The following ELAVL4 variants were observed in gnomAD, a reference collection of about 807,000 sequenced individuals.
The protein encoded by ELAVL4 is ELAV like RNA binding protein 4.
Under a neutral mutation model 35.6 loss-of-function variants are expected in ELAVL4, and 1 was observed. The ratio of observed to expected loss-of-function variants is 0.03; its 90% CI spans 0.01 to 0.13. ELAVL4 has a LOEUF of 0.13. ELAVL4 is among the 10% of genes least tolerant of loss of function. The pLI is 1.00. For missense variants in ELAVL4, 267 were observed against 464.9 expected (o/e 0.57, Z 3.91); for synonymous variants, 156 against 171.0 (o/e 0.91, Z 0.69).
At chr1:50,068,488 T>C (rs1189808241) in intron 1 of ELAVL4, among the ~76,000 whole-genome samples, 1 of 152,176 alleles carries the variant, frequency 6.6e-6, no homozygotes, top group Non-Finnish European at 1.5e-5. Context: ...TCTGGCACAC[T>C]GTTGTTAAAG....
At chr1:50,073,639 C>T (rs953324681) in intron 1 of ELAVL4, among the ~76,000 whole-genome samples, 1 of 152,140 alleles carries the variant, frequency 6.6e-6, no homozygotes, top group African/African-American at 2.4e-5. Context: ...AGTGGATACA[C>T]ACACACATGC....
At chr1:50,067,695 G>T (rs898865860) in intron 1 of ELAVL4, among the ~76,000 whole-genome samples, 9 of 152,212 alleles carry the variant, frequency 5.9e-5, no homozygotes, top group Admixed American at 1.3e-4. Flanking sequence ...CAAGCTTATT[G>T]TATTAGTCCA....
intron 1 of ELAVL4, among the ~76,000 whole-genome samples, chr1:50,066,153 C>T (rs6698208): frequency 0.021 from 3,248 of 152,174 alleles, 109 homozygotes; most frequent in African/African-American, 0.073. Flanking sequence ...ACCCTACCAC[C>T]CTTACATTCC....
intron 1 of ELAVL4, among the ~76,000 whole-genome samples, chr1:50,091,430 A>T (rs747153071): frequency 6.6e-6 from 1 of 152,116 alleles, no homozygotes; most frequent in East Asian, 1.9e-4. Context: ...TGTGGTAGGG[A>T]TTTTTCCACT....
intron 1 of ELAVL4, among the ~76,000 whole-genome samples, chr1:50,096,709 G>T (rs1557699639): frequency 6.6e-6 from 1 of 152,024 alleles, no homozygotes; most frequent in East Asian, 1.9e-4. Flanking sequence ...GAACATTTTT[G>T]AGTAAGTAGC....
upstream of ELAVL4, among the ~76,000 whole-genome samples, chr1:50,099,176 C>T (rs368446647): frequency 3.2e-4 from 48 of 152,224 alleles, 1 homozygote; most frequent in South Asian, 8.7e-3. Context: ...GAGTGCCCAC[C>T]ATATTCCAGG....
At chr1:50,067,900 A>C (rs1009359428) in intron 1 of ELAVL4, among the ~76,000 whole-genome samples, 1 of 152,150 alleles carries the variant, frequency 6.6e-6, no homozygotes, top group South Asian at 2.1e-4. Flanking sequence ...CCCTTATAAA[A>C]CCATCAAATC....
chr1:50,178,925 T>G (rs1021837805), intron 3 of ELAVL4, among the ~76,000 whole-genome samples: 1 of 151,736 alleles, frequency 6.6e-6, no homozygotes, highest in Non-Finnish European at 1.5e-5. Context: ...CCAACTCTTC[T>G]CCAGGGGCTT....
intron 1 of ELAVL4, among the ~76,000 whole-genome samples, chr1:50,121,539 G>C (rs1455880675): frequency 6.6e-6 from 1 of 152,022 alleles, no homozygotes; most frequent in African/African-American, 2.4e-5. Flanking sequence ...TGAAGCTGTG[G>C]TGTTCCATAT....
chr1:50,144,936 A>ATT lies in ELAVL4; in HGVS notation c.10-20_10-19dup, dbSNP rs1673428122. The ATT allele has an allele frequency of 4.4e-6, 7 of 1,596,382 alleles. No homozygotes were observed. In the African/African-American group the frequency reaches 9.5e-5, roughly 22 times the overall value. On this transcript the variant is annotated intron_variant, in intron 1 of 6. Coordinates refer to ENST00000371824, the MANE Select transcript of ELAVL4 (RefSeq NM_001144774.3). ...TCTGAGATTTCAAAAGGCTTTTTCA[A>ATT]TTGTTTTTATTTTTATTTAGATAAT...
chr1:50,121,762 G>A (rs559420053), intron 1 of ELAVL4, among the ~76,000 whole-genome samples: 1 of 152,110 alleles, frequency 6.6e-6, no homozygotes, highest in African/African-American at 2.4e-5. Flanking sequence ...TTAATATGAA[G>A]CATCATATCC....
rs9436889 is a variant in ELAVL4 at position 50,122,114 on chromosome 1, A to G, written c.9+12916A>G. Among the ~76,000 whole-genome samples, 922 of 152,150 alleles carry G rather than the reference A, an allele frequency of 6.1e-3. 7 individuals carry two copies. The highest frequency in any genetic ancestry group is 0.021 in the African/African-American group (875 of 41,548). On this transcript the variant is annotated intron_variant, in intron 1 of 6. Transcript: ENST00000371824. ...TTTGGTGGGTAAATTACAGCCAGTAATTGGTTGGGCCAGGATTTGATTTGA... is the reference window on the plus strand; with the variant it reads ...TTTGGTGGGTAAATTACAGCCAGTAGTTGGTTGGGCCAGGATTTGATTTGA...
intron 4 of ELAVL4, among the ~76,000 whole-genome samples, chr1:50,194,343 G>C (rs1457864335): frequency 2.0e-5 from 3 of 152,158 alleles, no homozygotes; most frequent in Admixed American, 2.0e-4. Flanking sequence ...GAGGAAACAG[G>C]TTGAAAGTGG....
chr1:50,140,114 A>T (rs1236834869), intron 1 of ELAVL4, among the ~76,000 whole-genome samples: 1 of 152,182 alleles, frequency 6.6e-6, no homozygotes, highest in African/African-American at 2.4e-5. Flanking sequence ...CTGGATGCTG[A>T]CTGTAATTCT....
rs563296040 is a variant in ELAVL4 at position 50,056,685 on chromosome 1, C to T, written c.18+8503C>T. Among the ~76,000 whole-genome samples, 8 of 152,216 alleles carry T rather than the reference C, an allele frequency of 5.3e-5. No homozygotes were observed. The South Asian group carries it at 1.7e-3, about 32-fold the overall frequency. On this transcript the variant is annotated intron_variant, in intron 1 of 6. Coordinates refer to the ELAVL4 transcript ENST00000448907. ...GGTGAGGTGGCTCACGCCTGTAATC[C>T]CAGCACATTGGGAGGCCAAGTCAGG... is the stretch of plus-strand genomic sequence containing the variant.
upstream of ELAVL4, among the ~76,000 whole-genome samples, chr1:50,105,289 T>C (rs1458930290): frequency 6.6e-6 from 1 of 152,228 alleles, no homozygotes; most frequent in Non-Finnish European, 1.5e-5. Flanking sequence ...AATATTTTCA[T>C]GAGGTTTTTG....
intron 1 of ELAVL4, among the ~76,000 whole-genome samples, chr1:50,091,196 T>C (rs906540739): frequency 5.3e-5 from 8 of 152,240 alleles, no homozygotes; most frequent in African/African-American, 1.9e-4. Flanking sequence ...TTCTTCCAGC[T>C]TGACGTATTG....
intron 2 of ELAVL4, among the ~76,000 whole-genome samples, chr1:50,159,062 G>C (rs1173526937): frequency 6.8e-6 from 1 of 147,460 alleles, no homozygotes; most frequent in Non-Finnish European, 1.5e-5. Flanking sequence ...AAAAAAGAAA[G>C]AAATACTCTG....
chr1:50,109,327 A>G (rs760462869), intron 1 of ELAVL4, 129 bp downstream of exon 1: 7 of 966,868 alleles, frequency 7.2e-6, no homozygotes, highest in African/African-American at 1.7e-5. Flanking sequence ...TACATTTACT[A>G]TCTCTTTTGT....
Sources: gnomAD v4.1 joint callset for allele counts (sites outside exome capture counted in the v4.1 genomes callset) on GRCh38, gnomAD v4.1.1 for gene constraint, MANE v1.5 for transcripts, NCBI Gene and HGNC (gene_info 2026-07-23, HGNC 2026-07-21) for gene names.